Variants in NMT1 observed in about 807,000 individuals in gnomAD.
The protein encoded by NMT1 is glycylpeptide N-tetradecanoyltransferase 1.
A neutral mutation model predicts 63.4 loss-of-function variants in NMT1; 12 were observed. That is an observed-to-expected ratio of 0.19 (90% CI 0.12 to 0.31). NMT1 has a LOEUF of 0.31. Among genes scored for constraint, NMT1 ranks in the 10% least tolerant of loss-of-function variants. The pLI is 1.00. For synonymous variants in NMT1, 228 were observed against 234.3 expected (o/e 0.97, Z 0.25); for missense variants, 432 against 634.6 (o/e 0.68, Z 3.43).
Position 45,103,202 on chromosome 17 carries a change from G to C in NMT1, c.1164+81G>C. On this transcript the variant is annotated intron_variant, in intron 9 of 11. Coordinates refer to ENST00000258960, the MANE Select transcript of NMT1 (RefSeq NM_021079.5). This position sits in a 1 kb window ranked among gnomAD's most constrained non-coding sequence, Gnocchi z 4.8. ...CTGAGTGGCCGGGTTCCCAGGGCTC[G>C]AGTGTTGGCACCTTAGACTTCCTTG... 1 of 1,369,770 alleles carries C rather than the reference G, an allele frequency of 7.3e-7. No homozygotes were observed. Among genetic ancestry groups the C allele is most frequent in the South Asian group, 1.3e-5 (1 of 76,214 alleles). 84.9% of individuals were successfully genotyped at this position (1,369,770 alleles called of 1,614,324 possible). A position where few individuals can be genotyped will look rare whatever the true frequency, so the allele number is the denominator to read the frequency against.
At chr17:45,078,296 G>A (rs572296171) in intron 1 of NMT1, among the ~76,000 whole-genome samples, 1 of 152,310 alleles carries the variant, frequency 6.6e-6, no homozygotes, top group African/African-American at 2.4e-5. Flanking sequence ...CAGCTATATA[G>A]AGTTCAGGTG....
At chr17:45,098,928 C>A (rs1252179436) in intron 7 of NMT1, 1 of 241,438 alleles carries the variant, frequency 4.1e-6, no homozygotes, top group Non-Finnish European at 8.2e-6. Context: ...ATTGTGTGCA[C>A]CAAATAGAGC....
At position 45,108,602 on chromosome 17, in the gene NMT1, G is replaced by T. The variant is rs1160866224; in HGVS notation, c.*2963G>T. 1 of 152,720 alleles carries T rather than the reference G, an allele frequency of 6.5e-6. No individual in the cohort carries two copies. The highest frequency in any genetic ancestry group is 1.5e-5 in the Non-Finnish European group (1 of 68,114). 9.5% of individuals were successfully genotyped at this position (152,720 alleles called of 1,614,324 possible). On this transcript the variant is annotated 3_prime_UTR_variant, in exon 12 of 12. Coordinates refer to ENST00000258960, the MANE Select transcript of NMT1 (RefSeq NM_021079.5). Reference sequence around the variant, plus strand: ...AACTGCATGGAGCTGCACTCTAGGAGAAGGAGGGGAACCAGATGTTAGATC... The same window carrying T: ...AACTGCATGGAGCTGCACTCTAGGATAAGGAGGGGAACCAGATGTTAGATC...
rs16939858 is a variant in NMT1 at position 45,106,052 on chromosome 17, C to T, written c.*413C>T. 34,362 of 151,778 alleles carry T rather than the reference C, an allele frequency of 0.23. 4,461 individuals carry two copies. The highest frequency in any genetic ancestry group is 0.34 in the African/African-American group (13,919 of 41,312). The allele number at this position is 151,778 out of a possible 1,614,324, so 9.4% of individuals were successfully genotyped here. ...TTGGTCTTTAATGAAAAGCTGAATCCAGATCATTCCTCAGAATGAGGACCC... is the reference window on the plus strand; with the variant it reads ...TTGGTCTTTAATGAAAAGCTGAATCTAGATCATTCCTCAGAATGAGGACCC... On this transcript the variant is annotated 3_prime_UTR_variant, in exon 12 of 12. Coordinates refer to ENST00000258960, the MANE Select transcript of NMT1 (RefSeq NM_021079.5).
At position 45,104,930 on chromosome 17, in the gene NMT1, C is replaced by T. The variant is rs369290804; in HGVS notation, c.1404C>T (p.Gly468=). Reference sequence around the variant, plus strand: ...CCTTCCTGGAGAAGCTCAAGTTTGGCATAGGGGACGGCAACCTGCAGTATT... The same window carrying T: ...CCTTCCTGGAGAAGCTCAAGTTTGGTATAGGGGACGGCAACCTGCAGTATT... ...NKTFLEKLKF[G]IGDGNLQYYL... The change falls in exon 11 of 12, where the codon GGC becomes GGT. Residue 468 remains glycine (G), a synonymous_variant. Coordinates refer to ENST00000258960, the MANE Select transcript of NMT1 (RefSeq NM_021079.5). The surrounding 1 kb of genome is among the most constrained non-coding windows in gnomAD (Gnocchi z 4.2). 38 of 1,614,034 alleles carry T rather than the reference C, an allele frequency of 2.4e-5. No individual in the cohort carries two copies. Among genetic ancestry groups the T allele is most frequent in the Non-Finnish European group, 2.9e-5 (34 of 1,180,030 alleles).
In NMT1 at chr17:45,104,202, A is replaced by G. The variant is rs544520523; in HGVS notation, c.1332+326A>G. 56 of 1,250,520 alleles carry G rather than the reference A, an allele frequency of 4.5e-5. No individual in the cohort carries two copies. In the South Asian group the frequency reaches 7.1e-4, roughly 16 times the overall value. The allele number at this position is 1,250,520 out of a possible 1,614,324, so 77.5% of individuals were successfully genotyped here. A position where few individuals can be genotyped will look rare whatever the true frequency, so the allele number is the denominator to read the frequency against. ...CCTCACAGCTTTCCCAGCGTGGGAAAGGGGTGATTGCTGTCTGTCGTGGTG... is the reference window on the plus strand; with the variant it reads ...CCTCACAGCTTTCCCAGCGTGGGAAGGGGGTGATTGCTGTCTGTCGTGGTG... On this transcript the variant is annotated intron_variant, in intron 10 of 11. Transcript: ENST00000258960. This position sits in a 1 kb window ranked among gnomAD's most constrained non-coding sequence, Gnocchi z 4.2.
At position 45,103,010 on chromosome 17, in the gene NMT1, G is replaced by T. The variant is rs2054178020; in HGVS notation, c.1053G>T (p.Gln351His). 1 of 1,614,118 alleles carries T rather than the reference G, an allele frequency of 6.2e-7. No homozygotes were observed. Among genetic ancestry groups the T allele is most frequent in the Non-Finnish European group, 8.5e-7 (1 of 1,179,956 alleles). The change falls in exon 9 of 12, where the codon CAG becomes CAT. Residue 351 changes from glutamine (Q) to histidine (H), a missense_variant. Physicochemically the swap from Gln to His is conservative, Grantham distance 24. This residue lies in a region of NMT1 where 295 missense variants were observed against 489.7 expected (regional missense o/e 0.60). Transcript: ENST00000258960. This position sits in a 1 kb window ranked among gnomAD's most constrained non-coding sequence, Gnocchi z 4.8. ...CAAAGGACATTCCAGTAGTGCACCA[G>T]CTCCTCACCAGGTACTTGAAGCAAT... ...METKDIPVVHQLLTRYLKQFH... is the reference protein window; with the variant it reads ...METKDIPVVHHLLTRYLKQFH...
rs571167096 is a variant in NMT1, at chr17:45,104,212, G to A, written c.1332+336G>A. 2.2e-5 allele frequency: 27 copies of A among 1,235,734 alleles called. No individual in the cohort carries two copies. The highest frequency in any genetic ancestry group is 2.8e-5 in the Non-Finnish European group (27 of 973,100). The allele number at this position is 1,235,734 out of a possible 1,614,324, so 76.5% of individuals were successfully genotyped here. On this transcript the variant is annotated intron_variant, in intron 10 of 11. Coordinates refer to ENST00000258960, the MANE Select transcript of NMT1 (RefSeq NM_021079.5). This position sits in a 1 kb window ranked among gnomAD's most constrained non-coding sequence, Gnocchi z 4.2. ...TTCCCAGCGTGGGAAAGGGGTGATT[G>A]CTGTCTGTCGTGGTGAGTCATTGGA...
At chr17:45,062,881 T>G (rs1473301588) in intron 1 of NMT1, among the ~76,000 whole-genome samples, 1 of 152,096 alleles carries the variant, frequency 6.6e-6, no homozygotes, top group African/African-American at 2.4e-5. Flanking sequence ...AAATCTTAGG[T>G]TAAAAGATCT....
chr17:45,093,581 G>A, intron 3 of NMT1, 104 bp from the exon 4 acceptor site: 2 of 802,118 alleles, frequency 2.5e-6, no homozygotes, highest in Non-Finnish European at 4.0e-6. Flanking sequence ...CAGATAGAGG[G>A]CTCCTAGGGA....
chr17:45,081,499 C>T lies in NMT1; in HGVS notation c.132-145C>T, dbSNP rs539552068. On this transcript the variant is annotated intron_variant, in intron 1 of 11. Coordinates refer to ENST00000258960, the MANE Select transcript of NMT1 (RefSeq NM_021079.5). Reference sequence around the variant, plus strand: ...GGAGTGCTGGTGTCCTCCAAATGCCCTTTCTGGACCTGGGTTCTTCAGCCT... The same window carrying T: ...GGAGTGCTGGTGTCCTCCAAATGCCTTTTCTGGACCTGGGTTCTTCAGCCT... 1.6e-4 allele frequency: 112 copies of T among 717,976 alleles called. No individual in the cohort carries two copies. The African/African-American group carries it at 1.8e-3, about 11-fold the overall frequency. 44.5% of individuals were successfully genotyped at this position (717,976 alleles called of 1,614,324 possible). A position where few individuals can be genotyped will look rare whatever the true frequency, so the allele number is the denominator to read the frequency against.
chr17:45,083,226 G>A (rs1008825458), intron 2 of NMT1, among the ~76,000 whole-genome samples: 2 of 151,646 alleles, frequency 1.3e-5, no homozygotes, highest in Admixed American at 1.3e-4. Context: ...GGCTGAGACA[G>A]GAGAATCACT....
intron 1 of NMT1, among the ~76,000 whole-genome samples, chr17:45,074,076 C>T (rs1017081987): frequency 6.6e-6 from 1 of 152,140 alleles, no homozygotes; most frequent in African/African-American, 2.4e-5. Context: ...GCTCACATAC[C>T]CAGCATTGCG....
rs1299713857 is a variant in NMT1, at chr17:45,108,450, CCTGT to C, written c.*2814_*2817del. 2 of 152,702 alleles carry C rather than the reference CCTGT, an allele frequency of 1.3e-5. No homozygotes were observed. Among genetic ancestry groups the C allele is most frequent in the Non-Finnish European group, 2.9e-5 (2 of 68,090 alleles). The allele number at this position is 152,702 out of a possible 1,614,324, so 9.5% of individuals were successfully genotyped here. ...AAAATGTCAGGCCTTCCCCACAACTCCTGTCTAACTGCTGTCGCCCCCCTACTTG... is the reference window on the plus strand; with the variant it reads ...AAAATGTCAGGCCTTCCCCACAACTCCTAACTGCTGTCGCCCCCCTACTTG... On this transcript the variant is annotated 3_prime_UTR_variant, in exon 12 of 12. Coordinates refer to ENST00000258960, the MANE Select transcript of NMT1 (RefSeq NM_021079.5).
Position 45,103,257 on chromosome 17 carries a change from A to C in NMT1, c.1164+136A>C, listed in dbSNP as rs2054179895. The stretch of plus-strand genomic sequence containing the variant: ...TCCGTGTTTGGTCCTCCCTAAAAAC[A>C]GGGAGTTGGTGCTTGAATTTGCTGA... On this transcript the variant is annotated intron_variant, in intron 9 of 11. Coordinates refer to ENST00000258960, the MANE Select transcript of NMT1 (RefSeq NM_021079.5). The surrounding 1 kb of genome is among the most constrained non-coding windows in gnomAD (Gnocchi z 4.8). 3 of 822,014 alleles carry C rather than the reference A, an allele frequency of 3.6e-6. No individual in the cohort carries two copies. The highest frequency in any genetic ancestry group is 3.8e-6 in the Non-Finnish European group (2 of 521,916). 50.9% of individuals were successfully genotyped at this position (822,014 alleles called of 1,614,324 possible).
intron 3 of NMT1, among the ~76,000 whole-genome samples, chr17:45,088,064 A>G (rs990661642): frequency 2.6e-5 from 4 of 152,354 alleles, no homozygotes; most frequent in African/African-American, 9.6e-5. Flanking sequence ...GCTTGGTCAC[A>G]ATAGAAGCAA....
chr17:45,077,012 T>C (rs1230262628), intron 1 of NMT1, among the ~76,000 whole-genome samples: 1 of 152,228 alleles, frequency 6.6e-6, no homozygotes, highest in Non-Finnish European at 1.5e-5. Flanking sequence ...GATAGCTACA[T>C]GGAAGTATCT....
In NMT1 at chr17:45,107,368, A is replaced by G. The variant is rs1299260497; in HGVS notation, c.*1729A>G. 1 of 152,678 alleles carries G rather than the reference A, an allele frequency of 6.5e-6. No homozygotes were observed. Among genetic ancestry groups the G allele is most frequent in the African/African-American group, 2.4e-5 (1 of 41,458 alleles). 9.5% of individuals were successfully genotyped at this position (152,678 alleles called of 1,614,324 possible). On this transcript the variant is annotated 3_prime_UTR_variant, in exon 12 of 12. Transcript: ENST00000258960. ...AGGTGGATTTTCATCAGGGGCCTGC[A>G]GGGCCCTCCCTTTTCCCATTGTTCC...
chr17:45,089,576 G>A (rs895658729), intron 3 of NMT1, among the ~76,000 whole-genome samples: 3 of 151,978 alleles, frequency 2.0e-5, no homozygotes, highest in Non-Finnish European at 4.4e-5. Context: ...TCCTGACCTC[G>A]TGATCCACGT....
Sources: gnomAD v4.1 joint callset for allele counts (sites outside exome capture counted in the v4.1 genomes callset) on GRCh38, gnomAD v4.1.1 for gene constraint, gnomAD v4.1.1 regional missense constraint, Gnocchi (gnomAD v3.1) non-coding constraint, MANE v1.5 for transcripts, NCBI Gene and HGNC (gene_info 2026-07-23, HGNC 2026-07-21) for gene names.